Variants in PPP2R3C observed in about 807,000 individuals in gnomAD.
PPP2R3C encodes the protein serine/threonine-protein phosphatase 2A regulatory subunit B'' subunit gamma.
In PPP2R3C, 47 loss-of-function variants were observed where a neutral mutation model predicts 63.7. That is an observed-to-expected ratio of 0.74 (90% CI 0.58 to 0.94). The LOEUF is 0.94. Ranked by LOEUF, PPP2R3C falls within the 40% of genes least tolerant of loss-of-function variation. The pLI, the probability that PPP2R3C is intolerant of heterozygous loss-of-function variation, is 0.00. For synonymous variants in PPP2R3C, 180 were observed against 177.4 expected, an observed-to-expected ratio of 1.01 and a Z score of -0.12; for missense variants, 421 against 518.4, an observed-to-expected ratio of 0.81 and a Z score of 1.82.
At position 35,106,662 on chromosome 14, in the gene PPP2R3C, CA is replaced by C. The variant is rs1382027922; in HGVS notation, c.573+641del. Among the ~76,000 whole-genome samples, 13 of 97,894 alleles carry C rather than the reference CA, an allele frequency of 1.3e-4. No individual in the cohort carries two copies. The East Asian group carries it at 1.4e-3, about 10-fold the overall frequency. The allele number at this position is 97,894 out of a possible 152,430, so 64.2% of individuals were successfully genotyped here. ...CGTGAGCCACTGCACCCAGCCAATA[CA>C]TTTTTTTTTTTTTTTTTTTTTGAGA... On this transcript the variant is annotated intron_variant, in intron 6 of 12. Coordinates refer to ENST00000261475, the MANE Select transcript of PPP2R3C (RefSeq NM_017917.4).
chr14:35,109,520 C>G (rs925535888), intron 4 of PPP2R3C, among the ~76,000 whole-genome samples: 6 of 151,754 alleles, frequency 4.0e-5, no homozygotes, highest in Non-Finnish European at 8.8e-5. Context: ...GCTCTATCGC[C>G]CAGGCTGGAG....
chr14:35,109,475 G>T (rs1012077502), intron 4 of PPP2R3C, among the ~76,000 whole-genome samples: 5 of 151,800 alleles, frequency 3.3e-5, no homozygotes. Context: ...TTTAATATTT[G>T]AGGATTTGTT....
chr14:35,104,515 G>A (rs2046289090), intron 6 of PPP2R3C, among the ~76,000 whole-genome samples: 1 of 152,024 alleles, frequency 6.6e-6, no homozygotes, highest in South Asian at 2.1e-4. Flanking sequence ...AAAAAGCACT[G>A]TATATTTGGG....
intron 1 of PPP2R3C, among the ~76,000 whole-genome samples, chr14:35,120,983 C>T (rs1057502880): frequency 1.1e-4 from 16 of 151,846 alleles, no homozygotes; most frequent in African/African-American, 3.9e-4. Flanking sequence ...CACAGATTGG[C>T]AGTTTGGGAG....
chr14:35,101,345 C>T (rs2046183829), intron 6 of PPP2R3C: 1 of 152,160 alleles, frequency 6.6e-6, no homozygotes, highest in African/African-American at 2.4e-5. Flanking sequence ...TAAAGTACCA[C>T]ACAAAAATTA....
chr14:35,090,974 C>T (rs1420995044), intron 11 of PPP2R3C, 96 bp downstream of exon 11: 1 of 1,221,672 alleles, frequency 8.2e-7, no homozygotes, highest in African/African-American at 1.5e-5. Context: ...CTCGGCCTCC[C>T]AAAGTGCTGG....
chr14:35,095,257 G>A, intron 9 of PPP2R3C, 73 bp from the exon 10 acceptor site: 1 of 1,458,168 alleles, frequency 6.9e-7, no homozygotes, highest in Non-Finnish European at 9.4e-7. Context: ...CTAACAAAAA[G>A]TTTTTTCTTG....
At chr14:35,090,448 T>G (rs183416491) in intron 11 of PPP2R3C, among the ~76,000 whole-genome samples, 214 of 151,860 alleles carry the variant, frequency 1.4e-3, no homozygotes, top group African/African-American at 4.8e-3. Context: ...GAGTTGGAGG[T>G]TGCGGCGAGC....
At chr14:35,108,303 A>G (rs749159597) in intron 4 of PPP2R3C, 67 bp from the exon 5 acceptor site, 397 of 1,489,626 alleles carry the variant, frequency 2.7e-4, no homozygotes, top group Non-Finnish European at 2.8e-4. Context: ...TACATAAATT[A>G]GCAAACAATG....
intron 1 of PPP2R3C, 140 bp downstream of exon 1, chr14:35,121,754 TAAACCACA>T (rs2046905111): frequency 2.3e-6 from 2 of 886,564 alleles, no homozygotes; most frequent in African/African-American, 3.4e-5. Context: ...TCGGGATCCT[TAAACCACA>T]TTCCACTCCG....
chr14:35,110,092 A>G (rs373540227), intron 3 of PPP2R3C, 161 bp from the exon 4 acceptor site: 3 of 565,816 alleles, frequency 5.3e-6, no homozygotes, highest in Non-Finnish European at 9.2e-6. Flanking sequence ...AACAATAAAA[A>G]TAACATTTAT....
chr14:35,086,519 C>CA (rs2045600191), intron 12 of PPP2R3C: 1 of 123,066 alleles, frequency 8.1e-6, no homozygotes. Flanking sequence ...TTTTTTGAGA[C>CA]AGAGTTTCAC....
chr14:35,114,411 G>A (rs2046649618), intron 2 of PPP2R3C, among the ~76,000 whole-genome samples: 1 of 152,112 alleles, frequency 6.6e-6, no homozygotes, highest in Non-Finnish European at 1.5e-5. Flanking sequence ...AAAAAAATTT[G>A]CACTTGAAGA....
chr14:35,105,432 C>T (rs957553098), intron 6 of PPP2R3C, among the ~76,000 whole-genome samples: 9 of 151,870 alleles, frequency 5.9e-5, no homozygotes, highest in South Asian at 2.1e-4. Flanking sequence ...CTGCCCACCT[C>T]GGCCTCCCAA....
At chr14:35,095,225 A>C (rs1193721568) in intron 9 of PPP2R3C, 41 bp from the exon 10 acceptor site, 3 of 1,576,826 alleles carry the variant, frequency 1.9e-6, no homozygotes, top group Non-Finnish European at 2.6e-6. Context: ...GACCACAATA[A>C]AATTTTAATC....
chr14:35,119,849 C>A (rs866138160), intron 1 of PPP2R3C, among the ~76,000 whole-genome samples: 1 of 116,996 alleles, frequency 8.5e-6, no homozygotes, highest in East Asian at 2.5e-4. Flanking sequence ...GACAGTTCAT[C>A]TTTTTTTTTT....
At position 35,109,857 on chromosome 14, in the gene PPP2R3C, GT is replaced by G; in HGVS notation, c.365del (p.Asn122ThrfsTer3). The G allele has an allele frequency of 1.2e-6, 2 of 1,610,280 alleles. No homozygotes were observed. The highest frequency in any genetic ancestry group is 1.7e-6 in the Non-Finnish European group (2 of 1,176,752). Reference protein sequence around the residue: ...IGEEAMINYENFLKVGEKAGA... With the variant: ...IGEEAMINYEXFLKVGEKAGA... Reference sequence around the variant, plus strand: ...CAGCCTTTTCACCAACCTTCAAAAAGTTTTCGTAATTGATCATCGCTTCCTC... The same window carrying G: ...CAGCCTTTTCACCAACCTTCAAAAAGTTTCGTAATTGATCATCGCTTCCTC... On this transcript the variant is annotated frameshift_variant, in exon 4 of 13. Coordinates refer to ENST00000261475, the MANE Select transcript of PPP2R3C (RefSeq NM_017917.4). LOFTEE classifies it high-confidence loss of function.
At chr14:35,085,836 G>T in intron 12 of PPP2R3C, 58 bp from the exon 13 acceptor site, 1 of 1,409,728 alleles carries the variant, frequency 7.1e-7, no homozygotes, top group Non-Finnish European at 9.6e-7. Flanking sequence ...ATCACACATA[G>T]TGATCCAAAA....
chr14:35,107,464 A>C (rs1282872954), intron 5 of PPP2R3C, 90 bp from the exon 6 acceptor site: 3 of 1,024,636 alleles, frequency 2.9e-6, no homozygotes, highest in Non-Finnish European at 4.5e-6. Flanking sequence ...GAGACAAGCT[A>C]ATCTAGTAAC....
Sources: allele counts gnomAD v4.1 joint callset (sites outside exome capture counted in the v4.1 genomes callset), GRCh38; gene constraint gnomAD v4.1.1; transcripts MANE v1.5; gene names NCBI Gene and HGNC (gene_info 2026-07-23, HGNC 2026-07-21).